CNTNAP4: variants seen among roughly 807,000 people sequenced by gnomAD.
CNTNAP4 encodes contactin associated protein family member 4, also known as contactin-associated protein-like 4.
In CNTNAP4, 98 loss-of-function variants were observed where a neutral mutation model predicts 148.4. That is an observed-to-expected ratio of 0.66 (90% CI 0.56 to 0.78). CNTNAP4 has a LOEUF of 0.78. Ranked by LOEUF, CNTNAP4 falls within the 30% of genes least tolerant of loss-of-function variation. The pLI is 0.00. For missense variants in CNTNAP4, 1,935 were observed against 1,565.6 expected (o/e 1.24, Z -3.98); for synonymous variants, 730 against 565.1 (o/e 1.29, Z -4.14).
chr16:76,359,265 C>T (rs958780474), intron 3 of CNTNAP4, among the ~76,000 whole-genome samples: 3 of 152,158 alleles, frequency 2.0e-5, no homozygotes, highest in African/African-American at 7.2e-5. Flanking sequence ...AAGAGCTTCA[C>T]AATCTGCTCC....
intron 4 of CNTNAP4, 27 bp downstream of exon 4, chr16:76,427,626 G>T: frequency 6.4e-7 from 1 of 1,567,828 alleles, no homozygotes; most frequent in South Asian, 1.2e-5. Flanking sequence ...CCAATACACT[G>T]ACATAGATAT....
chr16:76,324,439 T>G (rs1002575977), intron 2 of CNTNAP4, among the ~76,000 whole-genome samples: 14 of 152,130 alleles, frequency 9.2e-5, no homozygotes, highest in South Asian at 2.1e-4. Context: ...CCTGGAGCAA[T>G]GTCTGAGGTA....
intron 17 of CNTNAP4, among the ~76,000 whole-genome samples, chr16:76,522,592 C>G (rs1054754688): frequency 9.6e-6 from 1 of 104,706 alleles, no homozygotes; most frequent in African/African-American, 3.4e-5. Flanking sequence ...CTTTCTCTCT[C>G]TCTCTTTCTT....
At chr16:76,343,556 G>A (rs1964661039) in intron 2 of CNTNAP4, among the ~76,000 whole-genome samples, 1 of 152,148 alleles carries the variant, frequency 6.6e-6, no homozygotes, top group Non-Finnish European at 1.5e-5. Context: ...TTAAATCTCG[G>A]GTTAGGAGAT....
intron 3 of CNTNAP4, among the ~76,000 whole-genome samples, chr16:76,381,486 G>A (rs567831798): frequency 1.8e-4 from 28 of 152,236 alleles, no homozygotes; most frequent in African/African-American, 5.5e-4. Flanking sequence ...AGTTGGAAAG[G>A]CCTCTGAAAT....
rs185644130 is a variant in CNTNAP4 at position 76,388,290 on chromosome 16, G to A, written c.390+32779G>A. The stretch of plus-strand genomic sequence containing the variant: ...GGAGTGCCAGGAATTCACTCTCAGA[G>A]GAAGTCAGTGTTTTTCAAACATTGG... On this transcript the variant is annotated intron_variant, in intron 3 of 23. Transcript: ENST00000611870. Among the ~76,000 whole-genome samples the A allele has an allele frequency of 2.0e-5, 3 of 152,244 alleles. No homozygotes were observed. In the East Asian group the frequency reaches 5.8e-4, roughly 29 times the overall value.
At chr16:76,416,956 A>G (rs2079008785) in intron 3 of CNTNAP4, among the ~76,000 whole-genome samples, 1 of 151,372 alleles carries the variant, frequency 6.6e-6, no homozygotes, top group African/African-American at 2.4e-5. Flanking sequence ...TCTTTAGGAA[A>G]TGTTTCTTGC....
At chr16:76,534,423 T>A (rs1467164229) in intron 17 of CNTNAP4, among the ~76,000 whole-genome samples, 2 of 152,226 alleles carry the variant, frequency 1.3e-5, no homozygotes, top group Admixed American at 1.3e-4. Flanking sequence ...GACACCATCA[T>A]TTATCCAAAG....
At chr16:76,295,958 G>A (rs532191454) in intron 1 of CNTNAP4, among the ~76,000 whole-genome samples, 1 of 152,248 alleles carries the variant, frequency 6.6e-6, no homozygotes, top group South Asian at 2.1e-4. Flanking sequence ...GACTAGCGGA[G>A]ATTACAGACA....
At chr16:76,316,671 C>A (rs370031701) in intron 2 of CNTNAP4, 148 bp downstream of exon 2, 6 of 625,848 alleles carry the variant, frequency 9.6e-6, no homozygotes, top group Non-Finnish European at 1.7e-5. Context: ...ATGTATATGA[C>A]ATCTAGCTTC....
chr16:76,556,700 TAAC>T (rs1427441074), intron 23 of CNTNAP4, among the ~76,000 whole-genome samples: 2 of 152,248 alleles, frequency 1.3e-5, no homozygotes, highest in Non-Finnish European at 2.9e-5. Flanking sequence ...GCAAAATATG[TAAC>T]AACAAATATT....
intron 3 of CNTNAP4, among the ~76,000 whole-genome samples, chr16:76,411,157 A>G (rs1310175833): frequency 6.6e-6 from 1 of 151,460 alleles, no homozygotes; most frequent in Non-Finnish European, 1.5e-5. Flanking sequence ...AACTCTATCC[A>G]AACTTTTTAA....
At chr16:76,297,763 C>T (rs2143895663) in intron 1 of CNTNAP4, among the ~76,000 whole-genome samples, 1 of 152,218 alleles carries the variant, frequency 6.6e-6, no homozygotes, top group South Asian at 2.1e-4. Flanking sequence ...AATACTTTAT[C>T]CAAGAACTTC....
intron 8 of CNTNAP4, among the ~76,000 whole-genome samples, chr16:76,456,389 A>G (rs774299189): frequency 3.3e-5 from 5 of 152,242 alleles, no homozygotes; most frequent in Admixed American, 1.3e-4. Context: ...GAAGGATGAA[A>G]TAACGAAGTA....
chr16:76,384,191 GCA>G (rs1414969454), intron 3 of CNTNAP4, among the ~76,000 whole-genome samples: 3 of 151,878 alleles, frequency 2.0e-5, no homozygotes, highest in African/African-American at 7.3e-5. Flanking sequence ...TTACAGGCAT[GCA>G]CCACCATGCC....
At chr16:76,305,933 A>G (rs1470458528) in intron 1 of CNTNAP4, among the ~76,000 whole-genome samples, 2 of 152,152 alleles carry the variant, frequency 1.3e-5, no homozygotes, top group Non-Finnish European at 2.9e-5. Context: ...TTCCTGCATT[A>G]ATTTACTTAA....
intron 10 of CNTNAP4, among the ~76,000 whole-genome samples, chr16:76,473,731 G>A (rs10871324): frequency 0.49 from 74,762 of 151,876 alleles, 18,701 homozygotes; most frequent in Admixed American, 0.59. Context: ...CCAAGATCGC[G>A]CCACTGCACT....
chr16:76,390,051 A>G (rs1166060685), intron 3 of CNTNAP4, among the ~76,000 whole-genome samples: 1 of 152,176 alleles, frequency 6.6e-6, no homozygotes, highest in South Asian at 2.1e-4. Flanking sequence ...TCTAGGAGCC[A>G]GTATACTTCG....
chr16:76,414,694 A>G (rs1597463309), intron 3 of CNTNAP4, among the ~76,000 whole-genome samples: 1 of 151,382 alleles, frequency 6.6e-6, no homozygotes, highest in Non-Finnish European at 1.5e-5. Context: ...TATGCATGTA[A>G]TCTAACAGAT....
Sources: gnomAD v4.1 joint callset for allele counts (sites outside exome capture counted in the v4.1 genomes callset) on GRCh38, gnomAD v4.1.1 for gene constraint, MANE v1.5 for transcripts, NCBI Gene and HGNC (gene_info 2026-07-23, HGNC 2026-07-21) for gene names.